Variants in NAV2 observed in about 807,000 individuals in gnomAD.
NAV2 encodes the protein neuron navigator 2.
NAV2 carries 54 observed loss-of-function variants against 223.2 expected under a neutral mutation model. That is an observed-to-expected ratio of 0.24 (90% CI 0.19 to 0.30). NAV2 has a LOEUF of 0.30. NAV2 is among the 10% of genes least tolerant of loss of function. The pLI is 1.00. For synonymous variants in NAV2, 1,279 were observed against 1,239.3 expected (o/e 1.03, Z -0.67); for missense variants, 2,806 against 3,147.5 (o/e 0.89, Z 2.60).
In NAV2 at chr11:19,492,866, G is replaced by A. The variant is rs75401430; in HGVS notation, c.75+141839G>A. ...CCTATATTTTCACCGAGGGAGGAGA[G>A]GTTAGATGTGACACGGTACATCCTA... is the stretch of plus-strand genomic sequence containing the variant. On this transcript the variant is annotated intron_variant, in intron 1 of 37. Coordinates refer to the NAV2 transcript ENST00000360655. Among the ~76,000 whole-genome samples, 598 of 152,266 alleles carry A rather than the reference G, an allele frequency of 3.9e-3. 5 individuals carry two copies. Among genetic ancestry groups the A allele is most frequent in the Admixed American group, 5.3e-3 (81 of 15,292 alleles).
At chr11:19,872,717 C>T (rs2062595201) in intron 4 of NAV2, among the ~76,000 whole-genome samples, 1 of 152,192 alleles carries the variant, frequency 6.6e-6, no homozygotes, top group South Asian at 2.1e-4. Flanking sequence ...CAGGCCTGCC[C>T]CGACCCGCCT....
intron 4 of NAV2, among the ~76,000 whole-genome samples, chr11:19,872,146 A>C (rs551472688): frequency 3.3e-5 from 5 of 152,350 alleles, no homozygotes; most frequent in Admixed American, 2.0e-4. Context: ...TTTAATCCTC[A>C]AATTTGGCCT....
At chr11:19,476,061 G>A (rs896737304) in intron 1 of NAV2, among the ~76,000 whole-genome samples, 4 of 152,056 alleles carry the variant, frequency 2.6e-5, no homozygotes, top group Non-Finnish European at 5.9e-5. Context: ...TGTAACCTCC[G>A]CCTCCTGGGT....
intron 4 of NAV2, among the ~76,000 whole-genome samples, chr11:19,879,002 G>T (rs1375753826): frequency 6.6e-6 from 1 of 152,110 alleles, no homozygotes; most frequent in Non-Finnish European, 1.5e-5. Context: ...TTGCCCCCAA[G>T]GTTCCCTTTC....
chr11:19,446,070 C>G (rs1056800314), intron 1 of NAV2, among the ~76,000 whole-genome samples: 1 of 152,174 alleles, frequency 6.6e-6, no homozygotes, highest in South Asian at 2.1e-4. Context: ...ATCTTCAAGA[C>G]TTTTTCCAGA....
At chr11:19,870,673 A>G (rs1385741145) in intron 4 of NAV2, among the ~76,000 whole-genome samples, 1 of 152,240 alleles carries the variant, frequency 6.6e-6, no homozygotes, top group East Asian at 1.9e-4. Flanking sequence ...TGTACTTTGC[A>G]GGATTTTATC....
chr11:19,542,852 C>T (rs1030853164), intron 1 of NAV2, among the ~76,000 whole-genome samples: 2 of 152,218 alleles, frequency 1.3e-5, no homozygotes, highest in Non-Finnish European at 2.9e-5. Flanking sequence ...ACTGTGAGCA[C>T]CACCTTGCTC....
chr11:19,590,285 G>T lies in NAV2; in HGVS notation c.75+239258G>T, dbSNP rs60947518. 9.8e-3 allele frequency among the ~76,000 whole-genome samples: 1,485 copies of T among 152,170 alleles called. 15 individuals are homozygous for T. The highest frequency in any genetic ancestry group is 0.039 in the South Asian group (189 of 4,806). ...CGATGATGGTGTTGGACTAGCTTAG[G>T]GGGTTTTAAACCTTAAACCTTGGAA... On this transcript the variant is annotated intron_variant, in intron 1 of 37. Coordinates refer to the NAV2 transcript ENST00000360655.
In NAV2 at chr11:19,405,462, G is replaced by T. The variant is rs138424286; in HGVS notation, c.75+54435G>T. On this transcript the variant is annotated intron_variant, in intron 1 of 37. Transcript: ENST00000360655. ...TTCTGTTCTCCACTGAGTTCTTTCC[G>T]CAGTCAGGGCTGTATTTATCTGAAT... Among the ~76,000 whole-genome samples, 217 of 152,192 alleles carry T rather than the reference G, an allele frequency of 1.4e-3. 2 individuals carry two copies. The highest frequency in any genetic ancestry group is 4.9e-3 in the African/African-American group (205 of 41,514).
At chr11:19,893,621 T>G (rs1476610644) in intron 6 of NAV2, among the ~76,000 whole-genome samples, 1 of 152,194 alleles carries the variant, frequency 6.6e-6, no homozygotes, top group Non-Finnish European at 1.5e-5. Flanking sequence ...CACTCTATCT[T>G]TTCCTCCCTA....
At chr11:19,380,084 T>A (rs1848785719) in intron 1 of NAV2, among the ~76,000 whole-genome samples, 2 of 152,230 alleles carry the variant, frequency 1.3e-5, no homozygotes, top group African/African-American at 4.8e-5. Flanking sequence ...CCCTTTTACC[T>A]AATCTTCTTC....
chr11:19,575,209 T>C (rs1228359823), intron 1 of NAV2: 1 of 153,758 alleles, frequency 6.5e-6, no homozygotes, highest in African/African-American at 2.4e-5. Flanking sequence ...TTCTCACAGA[T>C]GCTGGTTTAA....
At chr11:19,643,227 C>T (rs2047715883) in intron 1 of NAV2, among the ~76,000 whole-genome samples, 1 of 152,056 alleles carries the variant, frequency 6.6e-6, no homozygotes, top group Admixed American at 6.6e-5. Flanking sequence ...ACGTTTGTTA[C>T]ATATGTATAC....
At chr11:19,400,571 C>T (rs954074868) in intron 1 of NAV2, among the ~76,000 whole-genome samples, 4 of 152,188 alleles carry the variant, frequency 2.6e-5, no homozygotes, top group African/African-American at 9.7e-5. Context: ...GTGAGTAGGT[C>T]ATTCACCTGC....
chr11:20,046,327 C>G lies in NAV2; in HGVS notation c.3902+657C>G, dbSNP rs192498223. On this transcript the variant is annotated intron_variant, in intron 14 of 37. Transcript: ENST00000349880. ...CTCCAGCCTGGGCAACAGAGCGAGA[C>G]TCCATCTCAAAAAAAAAAAAAAAAG... Among the ~76,000 whole-genome samples, 730 of 148,430 alleles carry G rather than the reference C, an allele frequency of 4.9e-3. 4 individuals carry two copies. Among genetic ancestry groups the G allele is most frequent in the African/African-American group, 0.018 (717 of 40,316 alleles).
rs553304994 is a variant in NAV2 at position 19,789,240 on chromosome 11, A to G, written c.268-43244A>G. 5.9e-5 allele frequency among the ~76,000 whole-genome samples: 9 copies of G among 152,354 alleles called. No individual in the cohort carries two copies. The East Asian group carries it at 1.5e-3, about 26-fold the overall frequency. ...TCTCAGTACTGTTAGTACACTGCCT[A>G]CTAAAGAGTAGATGCCCAAGAAATC... is the stretch of plus-strand genomic sequence containing the variant. On this transcript the variant is annotated intron_variant, in intron 1 of 37. Transcript: ENST00000349880.
At chr11:19,522,740 G>A (rs2043705808) in intron 1 of NAV2, among the ~76,000 whole-genome samples, 1 of 152,206 alleles carries the variant, frequency 6.6e-6, no homozygotes, top group Non-Finnish European at 1.5e-5. Context: ...GAATAAGGGA[G>A]TTGCTGTGTT....
At chr11:19,385,163 A>T (rs1848987383) in intron 1 of NAV2, 1 of 152,238 alleles carries the variant, frequency 6.6e-6, no homozygotes, top group Admixed American at 6.5e-5. Context: ...TGGCTAAAAT[A>T]CGAGAGTCTA....
At chr11:19,796,561 TCA>T (rs1159266727) in intron 1 of NAV2, among the ~76,000 whole-genome samples, 1 of 152,192 alleles carries the variant, frequency 6.6e-6, no homozygotes, top group Non-Finnish European at 1.5e-5. Flanking sequence ...CCTGACAAGG[TCA>T]CACAGCTGTT....
Sources: gnomAD v4.1 joint callset for allele counts (sites outside exome capture counted in the v4.1 genomes callset) on GRCh38, gnomAD v4.1.1 for gene constraint, MANE v1.5 for transcripts, NCBI Gene and HGNC (gene_info 2026-07-23, HGNC 2026-07-21) for gene names.